Variants in EIF2B3 observed in about 807,000 individuals in gnomAD.
EIF2B3 encodes the protein translation initiation factor eIF2B subunit gamma.
A neutral mutation model predicts 54.1 loss-of-function variants in EIF2B3; 20 were observed. The ratio of observed to expected loss-of-function variants is 0.37; its 90% CI spans 0.26 to 0.54. The LOEUF (loss-of-function observed/expected upper bound fraction) is 0.54, where lower values mean the gene tolerates loss of function less well. EIF2B3 is among the 20% of genes least tolerant of loss of function. The pLI, the probability that EIF2B3 is intolerant of heterozygous loss-of-function variation, is 0.86. For missense variants in EIF2B3, 448 were observed against 547.8 expected (o/e 0.82, Z 1.82); for synonymous variants, 153 against 188.1 (o/e 0.81, Z 1.52).
intron 3 of EIF2B3, among the ~76,000 whole-genome samples, chr1:44,944,658 A>G (rs1350509224): frequency 6.6e-6 from 1 of 152,112 alleles, no homozygotes; most frequent in African/African-American, 2.4e-5. Flanking sequence ...TTAAATTAGC[A>G]AATAAAATTT....
intron 2 of EIF2B3, among the ~76,000 whole-genome samples, chr1:44,980,328 G>A (rs886113747): frequency 1.3e-5 from 2 of 152,076 alleles, no homozygotes; most frequent in African/African-American, 2.4e-5. Flanking sequence ...GCCGGGCATG[G>A]TGGAAAATGC....
chr1:44,924,275 C>A (rs1195915353), intron 5 of EIF2B3, among the ~76,000 whole-genome samples: 1 of 151,746 alleles, frequency 6.6e-6, no homozygotes, highest in African/African-American at 2.4e-5. Flanking sequence ...TTCTTTTTTA[C>A]CTAGATCACT....
intron 5 of EIF2B3, among the ~76,000 whole-genome samples, chr1:44,901,512 A>T (rs1053379057): frequency 3.3e-5 from 5 of 150,712 alleles, no homozygotes; most frequent in African/African-American, 1.2e-4. Context: ...CAGACTCCCA[A>T]AGCGCTGGGA....
At chr1:44,894,067 C>T (rs1040564740) in intron 6 of EIF2B3, among the ~76,000 whole-genome samples, 1 of 152,070 alleles carries the variant, frequency 6.6e-6, no homozygotes, top group African/African-American at 2.4e-5. Flanking sequence ...TGGGCCAATA[C>T]CTGGGCTTCT....
At chr1:44,896,500 G>A (rs2148914085) in intron 6 of EIF2B3, among the ~76,000 whole-genome samples, 3 of 152,304 alleles carry the variant, frequency 2.0e-5, no homozygotes, top group Middle Eastern at 3.4e-3. Context: ...TTTAAACTCA[G>A]GTTCTCAAAT....
chr1:44,924,207 T>TG (rs1325200830), intron 5 of EIF2B3, among the ~76,000 whole-genome samples: 7 of 152,182 alleles, frequency 4.6e-5, no homozygotes, highest in African/African-American at 1.7e-4. Context: ...CCCAAAGTGC[T>TG]GGGATTACAG....
intron 3 of EIF2B3, among the ~76,000 whole-genome samples, chr1:44,966,256 G>A (rs545600099): frequency 8.6e-5 from 13 of 151,698 alleles, no homozygotes; most frequent in East Asian, 7.8e-4. Context: ...TGGCTAACAT[G>A]GTGAAACCCT....
rs560540808 is a variant in EIF2B3 at position 44,880,734 on chromosome 1, G to A, written c.785-726C>T. On this transcript the variant is annotated intron_variant, in intron 7 of 11. Coordinates refer to ENST00000360403, the MANE Select transcript of EIF2B3 (RefSeq NM_020365.5). The stretch of plus-strand genomic sequence containing the variant: ...TCCCAGCACTTTGGGAGGCCGAGGC[G>A]GGTGGATCATGAGGTCAGGAGATCG... Among the ~76,000 whole-genome samples the A allele has an allele frequency of 1.5e-4, 23 of 152,246 alleles. No homozygotes were observed. In the East Asian group the frequency reaches 2.5e-3, roughly 17 times the overall value.
chr1:44,890,190 A>C (rs1259689285), intron 6 of EIF2B3, among the ~76,000 whole-genome samples: 1 of 151,942 alleles, frequency 6.6e-6, no homozygotes, highest in Non-Finnish European at 1.5e-5. Flanking sequence ...GGGACTCTTG[A>C]TTTTGGGGGT....
At position 44,969,686 on chromosome 1, in the gene EIF2B3, G is replaced by A. The variant is rs149157293; in HGVS notation, c.294+8629C>T. Reference sequence around the variant, plus strand: ...TAAGATTTGCTATAGGTTGTTAACTGTTGATGCTGGGTGACAGATAAATGG... The same window carrying A: ...TAAGATTTGCTATAGGTTGTTAACTATTGATGCTGGGTGACAGATAAATGG... On this transcript the variant is annotated intron_variant, in intron 3 of 11. Coordinates refer to ENST00000360403, the MANE Select transcript of EIF2B3 (RefSeq NM_020365.5). 2.6e-4 allele frequency among the ~76,000 whole-genome samples: 40 copies of A among 152,314 alleles called. 1 individual carries two copies. In the East Asian group the frequency reaches 5.8e-3, roughly 22 times the overall value.
chr1:44,868,734 C>T (rs1313070520), intron 10 of EIF2B3, among the ~76,000 whole-genome samples: 8 of 152,148 alleles, frequency 5.3e-5, no homozygotes, highest in Admixed American at 4.6e-4. Context: ...AGGGAAGCTA[C>T]AAAGCTCATG....
At chr1:44,935,327 C>T (rs978816261) in intron 4 of EIF2B3, among the ~76,000 whole-genome samples, 3 of 152,208 alleles carry the variant, frequency 2.0e-5, no homozygotes, top group South Asian at 2.1e-4. Flanking sequence ...TATCTTCTCA[C>T]TGAAATTGAG....
intron 5 of EIF2B3, among the ~76,000 whole-genome samples, chr1:44,917,516 A>C (rs1643647918): frequency 6.6e-6 from 1 of 151,736 alleles, no homozygotes; most frequent in Non-Finnish European, 1.5e-5. Context: ...AAAGAAAAAA[A>C]AATCTTCAGA....
chr1:44,886,381 C>T (rs1294707471), intron 6 of EIF2B3, among the ~76,000 whole-genome samples: 2 of 151,956 alleles, frequency 1.3e-5, no homozygotes, highest in African/African-American at 2.4e-5. Context: ...TGCCCGACCC[C>T]GATTATTTTT....
intron 10 of EIF2B3, among the ~76,000 whole-genome samples, chr1:44,858,160 A>G (rs1257569747): frequency 2.0e-5 from 3 of 150,438 alleles, no homozygotes; most frequent in Non-Finnish European, 3.0e-5. Context: ...CAGCCTCTAA[A>G]ACTCCTGGGT....
At chr1:44,952,148 A>G (rs1341389165) in intron 3 of EIF2B3, among the ~76,000 whole-genome samples, 3 of 137,756 alleles carry the variant, frequency 2.2e-5, no homozygotes, top group Non-Finnish European at 4.7e-5. Flanking sequence ...TATTTTTAGT[A>G]GAGACGGGGT....
At chr1:44,964,994 A>G (rs1644321816) in intron 3 of EIF2B3, among the ~76,000 whole-genome samples, 1 of 152,196 alleles carries the variant, frequency 6.6e-6, no homozygotes, top group Non-Finnish European at 1.5e-5. Context: ...TAGTTAGAGC[A>G]ACAGCTCTAA....
intron 3 of EIF2B3, among the ~76,000 whole-genome samples, chr1:44,960,380 C>G (rs1644271367): frequency 6.6e-6 from 1 of 152,156 alleles, no homozygotes; most frequent in East Asian, 1.9e-4. Context: ...TGGCTCACAT[C>G]TGTAATCCCA....
chr1:44,904,672 C>T (rs1274810496), intron 5 of EIF2B3, among the ~76,000 whole-genome samples: 1 of 152,148 alleles, frequency 6.6e-6, no homozygotes, highest in Non-Finnish European at 1.5e-5. Context: ...TGCCACCGTG[C>T]CCGGCTAATT....
Sources: gnomAD v4.1 joint callset for allele counts (sites outside exome capture counted in the v4.1 genomes callset) on GRCh38, gnomAD v4.1.1 for gene constraint, MANE v1.5 for transcripts, NCBI Gene and HGNC (gene_info 2026-07-23, HGNC 2026-07-21) for gene names.